The following SMAD1 variants were observed in gnomAD, a reference collection of about 807,000 sequenced individuals.
SMAD1 encodes the protein MAD, mothers against decapentaplegic homolog 1.
SMAD1 carries 6 observed loss-of-function variants against 41.6 expected under a neutral mutation model. That is an observed-to-expected ratio of 0.14 (90% CI 0.08 to 0.28). The LOEUF (loss-of-function observed/expected upper bound fraction) is 0.28. Among genes scored for constraint, SMAD1 ranks in the 10% least tolerant of loss-of-function variants. The pLI, the probability that SMAD1 is intolerant of heterozygous loss-of-function variation, is 1.00. For missense variants in SMAD1, 379 were observed against 582.6 expected (o/e 0.65, Z 3.60); for synonymous variants, 206 against 203.2 (o/e 1.01, Z -0.12).
chr4:145,530,000 T>TA lies in SMAD1; in HGVS notation c.401-9803dup, dbSNP rs1271092363. On this transcript the variant is annotated intron_variant, in intron 2 of 6. Transcript: ENST00000302085. ...AAAGACTGGTTTATATGAACCCACT[T>TA]ATAGTAGACAGGTCAGGAATAGCAA... Among the ~76,000 whole-genome samples the TA allele has an allele frequency of 2.0e-5, 3 of 152,160 alleles. No individual in the cohort carries two copies. In the East Asian group the frequency reaches 5.8e-4, roughly 29 times the overall value.
intron 5 of SMAD1, among the ~76,000 whole-genome samples, chr4:145,553,184 T>C (rs1317489279): frequency 6.6e-6 from 1 of 152,028 alleles, no homozygotes; most frequent in Admixed American, 6.6e-5. Flanking sequence ...GTGCTGAGAT[T>C]ACAGGCGTGA....
chr4:145,484,584 G>A (rs978024679), intron 1 of SMAD1: 1 of 152,254 alleles, frequency 6.6e-6, no homozygotes, highest in African/African-American at 2.4e-5. Context: ...GGATACCAGT[G>A]TGTGTGAAAG....
At chr4:145,481,756 A>G (rs1337187878), upstream of SMAD1, 122 of 181,700 alleles carry the variant, frequency 6.7e-4, no homozygotes, top group African/African-American at 3.4e-3. Context: ...TGAGCGGGTG[A>G]GCGTGTGAGC....
intron 2 of SMAD1, among the ~76,000 whole-genome samples, chr4:145,522,328 G>A (rs1043401766): frequency 6.6e-6 from 1 of 151,996 alleles, no homozygotes; most frequent in Non-Finnish European, 1.5e-5. Flanking sequence ...TGGTCTGGGT[G>A]CAGTGGCTCA....
intron 4 of SMAD1, chr4:145,545,341 A>G (rs367833214): frequency 7.9e-5 from 12 of 152,240 alleles, no homozygotes; most frequent in African/African-American, 2.9e-4. Context: ...GTATCCTGAT[A>G]GCTGATAAAA....
intron 1 of SMAD1, among the ~76,000 whole-genome samples, chr4:145,498,723 T>C (rs1729240034): frequency 6.6e-6 from 1 of 152,252 alleles, no homozygotes; most frequent in South Asian, 2.1e-4. Flanking sequence ...TAGATACTTT[T>C]TACCACTTCT....
At chr4:145,534,505 C>T (rs141333525) in intron 2 of SMAD1, among the ~76,000 whole-genome samples, 1 of 152,190 alleles carries the variant, frequency 6.6e-6, no homozygotes, top group African/African-American at 2.4e-5. Flanking sequence ...GGGCTGGCCC[C>T]TATCGGATAT....
At chr4:145,546,564 A>G (rs1197052503) in intron 4 of SMAD1, 139 bp from the exon 5 acceptor site, 2 of 679,444 alleles carry the variant, frequency 2.9e-6, no homozygotes, top group Non-Finnish European at 5.3e-6. Flanking sequence ...AACATCATAG[A>G]AAAACTGTAT....
chr4:145,497,401 G>C (rs1391993655), intron 1 of SMAD1: 1 of 152,192 alleles, frequency 6.6e-6, no homozygotes, highest in Non-Finnish European at 1.5e-5. Context: ...TCTTATCATA[G>C]TGTACCATAT....
At chr4:145,516,070 C>T (rs147991086) in intron 2 of SMAD1, among the ~76,000 whole-genome samples, 1 of 152,184 alleles carries the variant, frequency 6.6e-6, no homozygotes, top group Non-Finnish European at 1.5e-5. Flanking sequence ...ACAAACATCT[C>T]TGTATCCCCT....
At chr4:145,486,547 G>C (rs1046679131) in intron 1 of SMAD1, among the ~76,000 whole-genome samples, 3 of 152,170 alleles carry the variant, frequency 2.0e-5, no homozygotes, top group African/African-American at 7.2e-5. Context: ...TATGGATCTT[G>C]TATCTTCTTA....
At chr4:145,491,793 G>A (rs1728782254) in intron 1 of SMAD1, among the ~76,000 whole-genome samples, 1 of 152,190 alleles carries the variant, frequency 6.6e-6, no homozygotes, top group South Asian at 2.1e-4. Flanking sequence ...TGGCGTAGAT[G>A]ATGAACCTTG....
chr4:145,517,460 C>G (rs1180773786), intron 2 of SMAD1, among the ~76,000 whole-genome samples: 1 of 152,044 alleles, frequency 6.6e-6, no homozygotes, highest in Non-Finnish European at 1.5e-5. Flanking sequence ...TTTCCCATAG[C>G]AACCTGAATT....
At chr4:145,500,593 G>T (rs886814741) in intron 1 of SMAD1, among the ~76,000 whole-genome samples, 2 of 152,108 alleles carry the variant, frequency 1.3e-5, no homozygotes, top group East Asian at 3.9e-4. Context: ...GCCCCACCAA[G>T]GCACAGAAAC....
chr4:145,538,966 A>G lies in SMAD1; in HGVS notation c.401-838A>G, dbSNP rs370751051. On this transcript the variant is annotated intron_variant, in intron 2 of 6. Coordinates refer to ENST00000302085, the MANE Select transcript of SMAD1 (RefSeq NM_005900.3). ...GTTTCTGGAGGTTGATGACCATGCCAATTATTAACTCCTTAGCTTCCTAAT... is the reference window on the plus strand; with the variant it reads ...GTTTCTGGAGGTTGATGACCATGCCGATTATTAACTCCTTAGCTTCCTAAT... Among the ~76,000 whole-genome samples the G allele has an allele frequency of 1.1e-4, 16 of 152,128 alleles. 1 individual carries two copies. The highest frequency in any genetic ancestry group is 4.2e-4 in the South Asian group (2 of 4,818).
At position 145,540,055 on chromosome 4, in the gene SMAD1, A is replaced by G; in HGVS notation, c.652A>G (p.Met218Val). 6.2e-7 allele frequency: 1 copy of G among 1,614,026 alleles called. No homozygotes were observed. The highest frequency in any genetic ancestry group is 1.3e-5 in the African/African-American group (1 of 75,032). The change falls in exon 3 of 7, where the codon ATG (methionine) becomes GTG (valine). Residue 218 changes from methionine to valine, a missense_variant. Physicochemically the swap from Met to Val is conservative, Grantham distance 21. Around this residue, in one of 3 missense-constraint regions of SMAD1, gnomAD observed 208 missense variants for 210.5 expected, o/e 0.99. Coordinates refer to ENST00000302085, the MANE Select transcript of SMAD1 (RefSeq NM_005900.3). ...TSSDPGSPFQ[M>V]PADTPPPAYL... Reference sequence around the variant, plus strand: ...CTCAGACCCAGGAAGCCCTTTCCAGATGCCAGGTAGGTTGGAATGTTCAGT... The same window carrying G: ...CTCAGACCCAGGAAGCCCTTTCCAGGTGCCAGGTAGGTTGGAATGTTCAGT...
rs191212975 is a variant in SMAD1 at position 145,498,063 on chromosome 4, A to T, written c.-177+16025A>T. On this transcript the variant is annotated intron_variant, in intron 1 of 6. Transcript: ENST00000302085. ...TAGAAGTTATTCTTTCAAATAACAG[A>T]TTTCTGTAATGGAAAAAGGACAGGA... 7 of 152,360 alleles carry T rather than the reference A, an allele frequency of 4.6e-5. No individual in the cohort carries two copies. In the East Asian group the frequency reaches 1.3e-3, roughly 29 times the overall value. The allele number at this position is 152,360 out of a possible 1,614,324, so 9.4% of individuals were successfully genotyped here. A position where few individuals can be genotyped will look rare whatever the true frequency, so the allele number is the denominator to read the frequency against.
chr4:145,527,980 A>G (rs1335514939), intron 2 of SMAD1, among the ~76,000 whole-genome samples: 2 of 149,998 alleles, frequency 1.3e-5, no homozygotes, highest in Non-Finnish European at 3.0e-5. Flanking sequence ...CCCTGGGTTC[A>G]AGTTATTCTC....
At chr4:145,508,489 A>G (rs1380044441) in intron 1 of SMAD1, among the ~76,000 whole-genome samples, 1 of 152,202 alleles carries the variant, frequency 6.6e-6, no homozygotes, top group Non-Finnish European at 1.5e-5. Context: ...CACAGTAAAT[A>G]CTAAGGTATT....
Sources: gnomAD v4.1 joint callset for allele counts (sites outside exome capture counted in the v4.1 genomes callset) on GRCh38, gnomAD v4.1.1 for gene constraint, gnomAD v4.1.1 regional missense constraint, MANE v1.5 for transcripts, NCBI Gene and HGNC (gene_info 2026-07-23, HGNC 2026-07-21) for gene names.